NAV2: variants seen among roughly 807,000 people sequenced by gnomAD.
The protein encoded by NAV2 is helicase, APC down-regulated 1.
In NAV2, 54 loss-of-function variants were observed where a neutral mutation model predicts 223.2. That is an observed-to-expected ratio of 0.24 (90% CI 0.19 to 0.30). The LOEUF (loss-of-function observed/expected upper bound fraction) is 0.30, where lower values mean the gene tolerates loss of function less well. Ranked by LOEUF, NAV2 falls within the 10% of genes least tolerant of loss-of-function variation. The probability of loss-of-function intolerance (pLI) is 1.00; values close to 1 mark genes in which losing one functional copy is unlikely to be tolerated. For missense variants in NAV2, 2,806 were observed against 3,147.5 expected (o/e 0.89, Z 2.60); for synonymous variants, 1,279 against 1,239.3 (o/e 1.03, Z -0.67).
intron 2 of NAV2, among the ~76,000 whole-genome samples, chr11:19,840,127 C>A (rs967316794): frequency 1.3e-5 from 2 of 152,118 alleles, no homozygotes; most frequent in African/African-American, 2.4e-5. Flanking sequence ...AACTAGGAGG[C>A]CCAAAACTCA....
chr11:19,607,473 A>C (rs1737576570), intron 1 of NAV2, among the ~76,000 whole-genome samples: 1 of 152,226 alleles, frequency 6.6e-6, no homozygotes, highest in Non-Finnish European at 1.5e-5. Flanking sequence ...CTGAGGTTGC[A>C]GCTGGAAGAT....
In NAV2 at chr11:19,924,241, T is replaced by C. The variant is rs117640195; in HGVS notation, c.932-8935T>C. ...ACGTGGGATTTAAGAACATACCTTGTAAAACTGTTTGGAGAAAATGTAGTG... is the reference window on the plus strand; with the variant it reads ...ACGTGGGATTTAAGAACATACCTTGCAAAACTGTTTGGAGAAAATGTAGTG... On this transcript the variant is annotated intron_variant, in intron 6 of 37. Coordinates refer to ENST00000349880, the MANE Select transcript of NAV2 (RefSeq NM_145117.5). Among the ~76,000 whole-genome samples, 125 of 150,428 alleles carry C rather than the reference T, an allele frequency of 8.3e-4. 1 individual carries two copies. The East Asian group carries it at 0.023, about 28-fold the overall frequency.
At chr11:19,351,522 T>G (rs1853312832) in intron 1 of NAV2, among the ~76,000 whole-genome samples, 1 of 152,170 alleles carries the variant, frequency 6.6e-6, no homozygotes, top group South Asian at 2.1e-4. Context: ...TAAAATGGCC[T>G]GTTGAGTGTA....
At chr11:19,811,225 G>T (rs975028538) in intron 1 of NAV2, among the ~76,000 whole-genome samples, 1 of 152,138 alleles carries the variant, frequency 6.6e-6, no homozygotes, top group Non-Finnish European at 1.5e-5. Flanking sequence ...GTTCCTGCTG[G>T]TAGGAAGCCT....
chr11:19,542,474 A>G (rs533069730), intron 1 of NAV2, among the ~76,000 whole-genome samples: 1 of 152,358 alleles, frequency 6.6e-6, no homozygotes, highest in South Asian at 2.1e-4. Context: ...GCTCTTAAGC[A>G]CTTTGCTCCG....
Position 20,083,019 on chromosome 11 carries a change from T to C in NAV2, c.5338T>C (p.Phe1780Leu). The C allele has an allele frequency of 3.1e-6, 5 of 1,613,322 alleles. No individual in the cohort carries two copies. Among genetic ancestry groups the C allele is most frequent in the Non-Finnish European group, 4.2e-6 (5 of 1,179,554 alleles). The change falls in exon 26 of 38, where the codon TTC (phenylalanine) becomes CTC (leucine). Residue 1780 changes from phenylalanine (F) to leucine (L), a missense_variant. Phe to Leu is a conservative substitution (Grantham distance 22). Transcript: ENST00000349880. ...CTTGTATATTCAGTTACGCAGCTCCTTCAAGCAAGCTTTCGGGAAGAAGAA... is the reference window on the plus strand; with the variant it reads ...CTTGTATATTCAGTTACGCAGCTCCCTCAAGCAAGCTTTCGGGAAGAAGAA... ...KKRKNWLRSS[F>L]KQAFGKKKSP...
At chr11:20,081,735 G>A (rs1364453860) in intron 25 of NAV2, among the ~76,000 whole-genome samples, 1 of 152,154 alleles carries the variant, frequency 6.6e-6, no homozygotes. Flanking sequence ...AATCTCATCA[G>A]TTTTTAGAAT....
intron 1 of NAV2, among the ~76,000 whole-genome samples, chr11:19,810,452 T>G (rs2058784970): frequency 6.6e-6 from 1 of 152,212 alleles, no homozygotes; most frequent in Non-Finnish European, 1.5e-5. Context: ...GCTACTGGGC[T>G]GTTGTTATTT....
intron 1 of NAV2, among the ~76,000 whole-genome samples, chr11:19,373,357 G>C (rs945902709): frequency 6.6e-6 from 1 of 152,158 alleles, no homozygotes; most frequent in African/African-American, 2.4e-5. Context: ...TCTGGCCTCT[G>C]CCTGCCTCTC....
chr11:19,453,917 G>T lies in NAV2; in HGVS notation c.75+102890G>T, dbSNP rs142645868. ...TTAATTGAATGCCTTTATGTTGGGG[G>T]AGGCCATTACGATCATTTTTCCTTA... On this transcript the variant is annotated intron_variant, in intron 1 of 37. Coordinates refer to the NAV2 transcript ENST00000360655. Among the ~76,000 whole-genome samples, 50 of 152,290 alleles carry T rather than the reference G, an allele frequency of 3.3e-4. No individual in the cohort carries two copies. In the East Asian group the frequency reaches 7.7e-3, roughly 23 times the overall value.
chr11:19,619,877 G>A (rs948805727), intron 1 of NAV2, among the ~76,000 whole-genome samples: 2 of 152,068 alleles, frequency 1.3e-5, no homozygotes, highest in African/African-American at 4.8e-5. Flanking sequence ...TTTCTTCTAG[G>A]GTTTTTATGG....
chr11:20,034,453 C>G (rs1311126782), intron 11 of NAV2, among the ~76,000 whole-genome samples: 2 of 150,560 alleles, frequency 1.3e-5, no homozygotes, highest in Non-Finnish European at 2.9e-5. Context: ...GATCTCAGCT[C>G]ACTGCAACCT....
intron 1 of NAV2, among the ~76,000 whole-genome samples, chr11:19,527,352 G>A (rs1298664351): frequency 6.6e-6 from 1 of 152,182 alleles, no homozygotes; most frequent in Non-Finnish European, 1.5e-5. Flanking sequence ...GGAAATGTGA[G>A]TCCATTAAAC....
chr11:19,809,170 A>G (rs1397486640), intron 1 of NAV2, among the ~76,000 whole-genome samples: 1 of 152,216 alleles, frequency 6.6e-6, no homozygotes, highest in African/African-American at 2.4e-5. Flanking sequence ...TGAGTATTCT[A>G]GGAAATTCAT....
intron 1 of NAV2, among the ~76,000 whole-genome samples, chr11:19,552,220 T>A (rs7944698): frequency 1.3e-5 from 2 of 152,174 alleles, no homozygotes; most frequent in African/African-American, 4.8e-5. Flanking sequence ...TTCATTTGCC[T>A]CTTTGCGGTG....
chr11:19,599,010 G>A (rs1013742767), intron 1 of NAV2, among the ~76,000 whole-genome samples: 2 of 152,216 alleles, frequency 1.3e-5, no homozygotes, highest in African/African-American at 4.8e-5. Context: ...TGTTTGTGCA[G>A]TTTCCATGAT....
intron 1 of NAV2, among the ~76,000 whole-genome samples, chr11:19,404,724 G>T (rs79111249): frequency 6.6e-6 from 1 of 152,056 alleles, no homozygotes; most frequent in Non-Finnish European, 1.5e-5. Flanking sequence ...ATGCTAAATC[G>T]AGTGATCACA....
chr11:19,534,710 A>G (rs1339836726), intron 1 of NAV2, among the ~76,000 whole-genome samples: 1 of 152,222 alleles, frequency 6.6e-6, no homozygotes, highest in East Asian at 1.9e-4. Context: ...TGTTTGAAGC[A>G]GCAGAAAATG....
intron 6 of NAV2, among the ~76,000 whole-genome samples, chr11:19,930,160 A>G (rs1376755594): frequency 6.6e-6 from 1 of 152,120 alleles, no homozygotes; most frequent in African/African-American, 2.4e-5. Flanking sequence ...ACGGAATCCT[A>G]GTGAAGCACA....
Sources: allele counts gnomAD v4.1 joint callset (sites outside exome capture counted in the v4.1 genomes callset), GRCh38; gene constraint gnomAD v4.1.1; transcripts MANE v1.5; gene names NCBI Gene and HGNC (gene_info 2026-07-23, HGNC 2026-07-21).